The following MIA3 variants were observed in gnomAD, a reference collection of about 807,000 sequenced individuals.
The protein encoded by MIA3 is transport and Golgi organization protein 1 homolog.
Under a neutral mutation model 192.4 loss-of-function variants are expected in MIA3, and 90 were observed. That is an observed-to-expected ratio of 0.47 (90% CI 0.39 to 0.56). The LOEUF (loss-of-function observed/expected upper bound fraction) is 0.56, where lower values mean the gene tolerates loss of function less well. Among genes scored for constraint, MIA3 ranks in the 20% least tolerant of loss-of-function variants. MIA3 has a pLI of 0.00. For synonymous variants in MIA3, 740 were observed against 792.8 expected (o/e 0.93, Z 1.12); for missense variants, 2,123 against 2,269.4 (o/e 0.94, Z 1.31).
intron 18 of MIA3, 68 bp from the exon 19 acceptor site, chr1:222,658,654 T>A: frequency 9.7e-7 from 1 of 1,030,468 alleles, no homozygotes; most frequent in Non-Finnish European, 1.4e-6. Context: ...GAGATTTTAT[T>A]GGAGTATTCA....
chr1:222,641,080 T>C (rs566047649), intron 6 of MIA3, among the ~76,000 whole-genome samples: 4 of 152,356 alleles, frequency 2.6e-5, no homozygotes, highest in Non-Finnish European at 5.9e-5. Flanking sequence ...TTGGAGAAGA[T>C]GTGGAGGAAA....
At chr1:222,632,072 T>G in intron 4 of MIA3, 93 bp from the exon 5 acceptor site, 1 of 1,124,180 alleles carries the variant, frequency 8.9e-7, no homozygotes, top group Non-Finnish European at 1.3e-6. Context: ...TGCATGGAGG[T>G]CAATGTTGAG....
Position 222,664,167 on chromosome 1 carries a change from T to C in MIA3, c.5413+19T>C, listed in dbSNP as rs1664164604. Reference sequence around the variant, plus strand: ...CCCTTTGGTAAGATGATCTGAACAGTAGTAATTGACTTGTAAAGCACATTC... The same window carrying C: ...CCCTTTGGTAAGATGATCTGAACAGCAGTAATTGACTTGTAAAGCACATTC... On this transcript the variant is annotated intron_variant, in intron 27 of 27. Transcript: ENST00000344922. 1 of 1,613,272 alleles carries C rather than the reference T, an allele frequency of 6.2e-7. No individual in the cohort carries two copies.
intron 18 of MIA3, among the ~76,000 whole-genome samples, chr1:222,655,327 A>G (rs75581211): frequency 0.021 from 3,255 of 152,318 alleles, 115 homozygotes; most frequent in African/African-American, 0.074. Context: ...ATATTTAGAT[A>G]ATAATCCTCT....
chr1:222,649,904 G>A (rs759124690), intron 8 of MIA3: 3 of 216,522 alleles, frequency 1.4e-5, no homozygotes, highest in Non-Finnish European at 1.9e-5. Flanking sequence ...AAGGCAAAGC[G>A]AGAGCAGGCC....
Position 222,625,825 on chromosome 1 carries a change from C to T in MIA3, c.354+971C>T, listed in dbSNP as rs190852454. 2.4e-3 allele frequency among the ~76,000 whole-genome samples: 369 copies of T among 152,268 alleles called. 1 individual carries two copies. The highest frequency in any genetic ancestry group is 3.9e-3 in the Non-Finnish European group (263 of 68,018). On this transcript the variant is annotated intron_variant, in intron 3 of 27. Coordinates refer to ENST00000344922, the MANE Select transcript of MIA3 (RefSeq NM_198551.4). ...GATACCAGCTCACTGCAGCCTCCGC[C>T]TCCCAGGTTCAAGCAATTCTCCTGC...
At chr1:222,650,736 A>C in intron 10 of MIA3, 25 bp downstream of exon 10, 2 of 1,567,024 alleles carry the variant, frequency 1.3e-6, no homozygotes, top group Non-Finnish European at 1.7e-6. Flanking sequence ...TGGGGATTAC[A>C]TTTTAAAACA....
rs765590550 is a variant in MIA3, at chr1:222,628,420, G to A, written c.1200G>A (p.Thr400=). The A allele has an allele frequency of 1.1e-5, 17 of 1,613,882 alleles. No homozygotes were observed. In the South Asian group the frequency reaches 1.2e-4, roughly 11 times the overall value. Residue 400 remains threonine (T), a synonymous_variant, in exon 4 of 28, where the codon ACG becomes ACA. Transcript: ENST00000344922. ...CAGGAGGTGAAGAAACAAGAGATAC[G>A]ATGGATTTAGAGAGCTCTAGTTCAG... The part of the protein sequence containing the change: ...IVTGGEETRD[T]MDLESSSSEE...
rs370999989 is a variant in MIA3, at chr1:222,654,306, C to T, written c.4377+8C>T. On this transcript the variant is annotated splice_region_variant and intron_variant, in intron 16 of 27. Transcript: ENST00000344922. ...ATGATGGATGTCTCTCGGGTATAAT[C>T]GTTTTTAGAGTCCCATAATTGCCTG... 6.2e-6 allele frequency: 10 copies of T among 1,613,612 alleles called. No individual in the cohort carries two copies. The highest frequency in any genetic ancestry group is 1.6e-4 in the Middle Eastern group (1 of 6,082).
Position 222,629,300 on chromosome 1 carries a change from C to T in MIA3, c.2080C>T (p.His694Tyr). 1.2e-6 allele frequency: 2 copies of T among 1,614,172 alleles called. No individual in the cohort carries two copies. The highest frequency in any genetic ancestry group is 2.7e-5 in the African/African-American group (2 of 75,022). The change falls in exon 4 of 28, where the codon CAC becomes TAC. Residue 694 changes from histidine (H) to tyrosine (Y), a missense_variant. This residue lies in a region of MIA3 where 1,357 missense variants were observed against 1,396.1 expected (regional missense o/e 0.97). Coordinates refer to ENST00000344922, the MANE Select transcript of MIA3 (RefSeq NM_198551.4). Reference sequence around the variant, plus strand: ...CTCCTTGGATGAAGAGTTTTTTCATCACAAGGCAATGCAGGGCACAGAGGT... The same window carrying T: ...CTCCTTGGATGAAGAGTTTTTTCATTACAAGGCAATGCAGGGCACAGAGGT... ...EDSLDEEFFH[H>Y]KAMQGTEVGQ...
chr1:222,659,787 C>T lies in MIA3; in HGVS notation c.4860C>T (p.Ala1620=). The change falls in exon 22 of 28, where the codon GCC becomes GCT. Residue 1620 remains alanine (A), a synonymous_variant. Transcript: ENST00000344922. ...RAIAEEKREA[A]NLRHKLLELT... ...TAGCTGAAGAGAAAAGGGAAGCTGCCAATTTGAGACACAAGTATGTGGATT... is the reference window on the plus strand; with the variant it reads ...TAGCTGAAGAGAAAAGGGAAGCTGCTAATTTGAGACACAAGTATGTGGATT... The T allele has an allele frequency of 6.2e-7, 1 of 1,613,972 alleles. No homozygotes were observed. The highest frequency in any genetic ancestry group is 1.1e-5 in the South Asian group (1 of 91,056).
chr1:222,654,537 G>A (rs1197432677), intron 17 of MIA3, 58 bp downstream of exon 17: 1 of 1,556,758 alleles, frequency 6.4e-7, no homozygotes, highest in Non-Finnish European at 8.8e-7. Context: ...AATTGCATTA[G>A]AAAGATAAAG....
At chr1:222,659,343 T>G (rs1663889904) in intron 19 of MIA3, 110 bp from the exon 20 acceptor site, 16 of 879,556 alleles carry the variant, frequency 1.8e-5, no homozygotes, top group Non-Finnish European at 2.9e-5. Context: ...TTTATATTTC[T>G]GGATAAGCTC....
At chr1:222,645,427 A>T (rs1156450717) in intron 6 of MIA3, 127 bp from the exon 7 acceptor site, 15 of 747,682 alleles carry the variant, frequency 2.0e-5, no homozygotes, top group African/African-American at 5.4e-5. Flanking sequence ...GAGCTACTGA[A>T]GATTTTTGAG....
Position 222,628,513 on chromosome 1 carries a change from A to C in MIA3, c.1293A>C (p.Ala431=). ...GCAAACAGGGGAAACCACAGTCAGC[A>C]ACAGATTATAGTGACCCTGACAATG... ...PDSKQGKPQS[A]TDYSDPDNVD... The change falls in exon 4 of 28, where the codon GCA becomes GCC. Residue 431 remains alanine (A), a synonymous_variant. Transcript: ENST00000344922. 3.1e-6 allele frequency: 5 copies of C among 1,613,976 alleles called. No homozygotes were observed. The highest frequency in any genetic ancestry group is 3.4e-6 in the Non-Finnish European group (4 of 1,179,976).
chr1:222,637,993 T>C (rs1435541958), intron 6 of MIA3, among the ~76,000 whole-genome samples: 1 of 152,184 alleles, frequency 6.6e-6, no homozygotes, highest in Non-Finnish European at 1.5e-5. Flanking sequence ...GTTATTCTTA[T>C]TGATGATCAA....
At position 222,618,099 on chromosome 1, in the gene MIA3, G is replaced by A. The variant is rs1418744857; in HGVS notation, c.-12G>A. The A allele has an allele frequency of 5.6e-6, 8 of 1,440,960 alleles. No homozygotes were observed. Among genetic ancestry groups the A allele is most frequent in the Non-Finnish European group, 7.3e-6 (8 of 1,095,190 alleles). The allele number at this position is 1,440,960 out of a possible 1,614,324, so 89.3% of individuals were successfully genotyped here. ...CTCCTCCGCGTCACCGGCTCCCCGA[G>A]GTGACCACAACATGGCTGCGGCGCC... is the stretch of plus-strand genomic sequence containing the variant. On this transcript the variant is annotated 5_prime_UTR_variant, in exon 1 of 28. Coordinates refer to ENST00000344922, the MANE Select transcript of MIA3 (RefSeq NM_198551.4).
chr1:222,638,704 G>GA (rs1462794345), intron 6 of MIA3, among the ~76,000 whole-genome samples: 1 of 146,324 alleles, frequency 6.8e-6, no homozygotes, highest in East Asian at 2.0e-4. Context: ...CTCAAGAAAA[G>GA]AAAAAAAAAT....
rs1662964442 is a variant in MIA3 at position 222,643,604 on chromosome 1, C to A, written c.3478-1950C>A. 2.0e-5 allele frequency among the ~76,000 whole-genome samples: 3 copies of A among 152,102 alleles called. No homozygotes were observed. In the South Asian group the frequency reaches 6.2e-4, roughly 32 times the overall value. On this transcript the variant is annotated intron_variant, in intron 6 of 27. Transcript: ENST00000344922. ...ACAGATTAAATGTCCCCGGTTTCTT[C>A]AACTTTTGGAACGTGATTTCCATAC... is the stretch of plus-strand genomic sequence containing the variant.
Sources: allele counts gnomAD v4.1 joint callset (sites outside exome capture counted in the v4.1 genomes callset), GRCh38; gene constraint gnomAD v4.1.1; regional missense constraint gnomAD v4.1.1; transcripts MANE v1.5; gene names NCBI Gene and HGNC (gene_info 2026-07-23, HGNC 2026-07-21).